Variants in GATA4 observed in about 807,000 individuals in gnomAD.
GATA4 encodes transcription factor GATA-4.
Under a neutral mutation model 37.9 loss-of-function variants are expected in GATA4, and 7 were observed. The ratio of observed to expected loss-of-function variants is 0.18; its 90% CI spans 0.11 to 0.35. The LOEUF is 0.35. Among genes scored for constraint, GATA4 ranks in the 10% least tolerant of loss-of-function variants. The pLI, the probability that GATA4 is intolerant of heterozygous loss-of-function variation, is 1.00. For missense variants in GATA4, 647 were observed against 653.0 expected (o/e 0.99, Z 0.10); for synonymous variants, 372 against 292.6 (o/e 1.27, Z -2.77).
chr8:11,745,226 C>T (rs1477072933), intron 2 of GATA4, among the ~76,000 whole-genome samples: 2 of 152,204 alleles, frequency 1.3e-5, no homozygotes, highest in Non-Finnish European at 2.9e-5. Context: ...GGTGAGTCGG[C>T]AGCTGAGATC....
chr8:11,710,878 T>C (rs147289992), intron 2 of GATA4, among the ~76,000 whole-genome samples: 2 of 151,970 alleles, frequency 1.3e-5, no homozygotes, highest in Non-Finnish European at 2.9e-5. Context: ...TCCCAGCACT[T>C]TGGGAGGCCG....
chr8:11,721,115 T>C (rs1800653861), intron 2 of GATA4, among the ~76,000 whole-genome samples: 1 of 151,578 alleles, frequency 6.6e-6, no homozygotes, highest in South Asian at 2.1e-4. Flanking sequence ...GGATGTGCAC[T>C]CTTAGGGGCA....
Position 11,698,438 on chromosome 8 carries a change from G to A in GATA4, c.-728-2070G>A, listed in dbSNP as rs1023058674. Among the ~76,000 whole-genome samples, 17 of 152,106 alleles carry A rather than the reference G, an allele frequency of 1.1e-4. 1 individual carries two copies. Among genetic ancestry groups the A allele is most frequent in the African/African-American group, 3.6e-4 (15 of 41,420 alleles). ...TGAGTGAGTGAATGCATGAGTGAATGAATCCCCATCTCTCCCTCTCTGCTG... is the reference window on the plus strand; with the variant it reads ...TGAGTGAGTGAATGCATGAGTGAATAAATCCCCATCTCTCCCTCTCTGCTG... On this transcript the variant is annotated intron_variant, in intron 1 of 2. Coordinates refer to the GATA4 transcript ENST00000526974.
intron 2 of GATA4, among the ~76,000 whole-genome samples, chr8:11,722,446 G>C (rs1264728309): frequency 6.6e-6 from 1 of 152,154 alleles, no homozygotes; most frequent in Non-Finnish European, 1.5e-5. Flanking sequence ...TCAATATCCA[G>C]TCACTGTTCA....
intron 2 of GATA4, among the ~76,000 whole-genome samples, chr8:11,727,859 C>T (rs1360552785): frequency 1.3e-5 from 2 of 151,878 alleles, no homozygotes; most frequent in Non-Finnish European, 2.9e-5. Flanking sequence ...CCAGCTTTAC[C>T]CCGTATAATG....
chr8:11,744,152 C>T (rs1801912309), intron 2 of GATA4, among the ~76,000 whole-genome samples: 1 of 152,082 alleles, frequency 6.6e-6, no homozygotes, highest in East Asian at 1.9e-4. Context: ...GGTCAGATTC[C>T]CCAGTCTCCT....
In GATA4 at chr8:11,715,028, C is replaced by A. The variant is rs1585611867; in HGVS notation, c.616+6100C>A. Among the ~76,000 whole-genome samples, 4 of 152,170 alleles carry A rather than the reference C, an allele frequency of 2.6e-5. No homozygotes were observed. In the South Asian group the frequency reaches 8.3e-4, roughly 32 times the overall value. On this transcript the variant is annotated intron_variant, in intron 2 of 6. Transcript: ENST00000532059. Reference sequence around the variant, plus strand: ...TCGTAATAACAAAATTGGAAATAATCTAAATGTGCATCCTTAGGGGAATGT... The same window carrying A: ...TCGTAATAACAAAATTGGAAATAATATAAATGTGCATCCTTAGGGGAATGT...
chr8:11,754,042 G>A (rs950767685), intron 4 of GATA4, among the ~76,000 whole-genome samples: 1 of 152,158 alleles, frequency 6.6e-6, no homozygotes, highest in Non-Finnish European at 1.5e-5. Context: ...CTGGTCACAG[G>A]GCAGTCTCTA....
intron 2 of GATA4, among the ~76,000 whole-genome samples, chr8:11,732,197 C>A (rs1801242867): frequency 6.6e-6 from 1 of 152,182 alleles, no homozygotes. Flanking sequence ...AAGCTATTAA[C>A]CATGTGTAAT....
At chr8:11,747,150 C>G (rs28709984) in intron 2 of GATA4, among the ~76,000 whole-genome samples, 4 of 152,098 alleles carry the variant, frequency 2.6e-5, no homozygotes, top group African/African-American at 7.3e-5. Context: ...CTGCCCTTGC[C>G]TCTGGCAGCA....
At chr8:11,690,080 T>C (rs1394286243), upstream of GATA4, among the ~76,000 whole-genome samples, 1 of 152,208 alleles carries the variant, frequency 6.6e-6, no homozygotes, top group Non-Finnish European at 1.5e-5. Context: ...TCCACATCAG[T>C]GTCAGAGAGA....
chr8:11,711,472 A>G (rs541784828), intron 2 of GATA4, among the ~76,000 whole-genome samples: 1 of 152,178 alleles, frequency 6.6e-6, no homozygotes, highest in East Asian at 1.9e-4. Flanking sequence ...CATAAAAGCA[A>G]CTGAAATTAA....
In GATA4 at chr8:11,736,810, C is replaced by G. The variant is rs555460558; in HGVS notation, c.617-12106C>G. On this transcript the variant is annotated intron_variant, in intron 2 of 6. Coordinates refer to ENST00000532059, the MANE Select transcript of GATA4 (RefSeq NM_001308093.3). ...CATTTGATCTGATATTATCTAGATT[C>G]TTTTCACACTAGGAAGCACCTAAGT... Among the ~76,000 whole-genome samples the G allele has an allele frequency of 7.9e-5, 12 of 152,302 alleles. No homozygotes were observed. In the South Asian group the frequency reaches 2.3e-3, roughly 29 times the overall value.
chr8:11,722,587 C>G (rs1231133996), intron 2 of GATA4, among the ~76,000 whole-genome samples: 1 of 152,174 alleles, frequency 6.6e-6, no homozygotes, highest in Non-Finnish European at 1.5e-5. Context: ...TCCTTTTCTT[C>G]TCCTTGCATT....
rs980206128 is a variant in GATA4 at position 11,708,966 on chromosome 8, G to A, written c.616+38G>A. ...GCGAGGGCTGGGGCGCGTGAGGGCC[G>A]GGGCAGGGGCCGTCTTGAGCCCTGT... On this transcript the variant is annotated intron_variant, in intron 2 of 6. Transcript: ENST00000532059. The surrounding 1 kb of genome is among the most constrained non-coding windows in gnomAD (Gnocchi z 6.7). The A allele has an allele frequency of 6.6e-7, 1 of 1,507,738 alleles. No individual in the cohort carries two copies. The highest frequency in any genetic ancestry group is 2.5e-5 in the East Asian group (1 of 39,682). 93.4% of individuals were successfully genotyped at this position (1,507,738 alleles called of 1,614,324 possible). A position where few individuals can be genotyped will look rare whatever the true frequency, so the allele number is the denominator to read the frequency against.
At chr8:11,738,639 G>T (rs1027640103) in intron 2 of GATA4, among the ~76,000 whole-genome samples, 2 of 152,214 alleles carry the variant, frequency 1.3e-5, no homozygotes, top group African/African-American at 4.8e-5. Flanking sequence ...AGTACATCTG[G>T]AGGATAAATT....
intron 2 of GATA4, among the ~76,000 whole-genome samples, chr8:11,735,931 G>A (rs1279025226): frequency 6.6e-6 from 1 of 151,968 alleles, no homozygotes; most frequent in East Asian, 1.9e-4. Flanking sequence ...TTTTTTTTGA[G>A]ATAGGGTTTT....
At chr8:11,685,818 G>GGT (rs1799116340) in intron 1 of GATA4, among the ~76,000 whole-genome samples, 1 of 152,212 alleles carries the variant, frequency 6.6e-6, no homozygotes, top group Admixed American at 6.5e-5. Flanking sequence ...TGTGAGGCCA[G>GGT]GTGTGGGGTA....
intron 1 of GATA4, chr8:11,680,901 A>G (rs1798947023): frequency 2.0e-6 from 2 of 985,130 alleles, no homozygotes; most frequent in Non-Finnish European, 2.4e-6. Context: ...TGAGACCCCT[A>G]AAGAGGCCAA....
Sources: gnomAD v4.1 joint callset for allele counts (sites outside exome capture counted in the v4.1 genomes callset) on GRCh38, gnomAD v4.1.1 for gene constraint, Gnocchi (gnomAD v3.1) non-coding constraint, MANE v1.5 for transcripts, NCBI Gene and HGNC (gene_info 2026-07-23, HGNC 2026-07-21) for gene names.